Variants in SPIN1 observed in about 807,000 individuals in gnomAD.
SPIN1 encodes spindlin-1.
Under a neutral mutation model 26.0 loss-of-function variants are expected in SPIN1, and 3 were observed. That is an observed-to-expected ratio of 0.12 (90% CI 0.05 to 0.30). The LOEUF (loss-of-function observed/expected upper bound fraction) is 0.30. Among genes scored for constraint, SPIN1 ranks in the 10% least tolerant of loss-of-function variants. The pLI is 1.00. For synonymous variants in SPIN1, 101 were observed against 116.5 expected (o/e 0.87, Z 0.86); for missense variants, 126 against 333.4 (o/e 0.38, Z 4.84).
Position 88,405,286 on chromosome 9 carries a change from T to A in SPIN1, c.-159+16748T>A, listed in dbSNP as rs368099488. ...CTCTGTCTCCCAGGCTGGAGTGCAG[T>A]GGCAGGATCTCGGCTCACTGCAACC... On this transcript the variant is annotated intron_variant, in intron 1 of 5. Coordinates refer to ENST00000375859, the MANE Select transcript of SPIN1 (RefSeq NM_006717.3). Among the ~76,000 whole-genome samples, 24 of 152,210 alleles carry A rather than the reference T, an allele frequency of 1.6e-4. No homozygotes were observed. The East Asian group carries it at 4.3e-3, about 27-fold the overall frequency.
At chr9:88,425,029 G>A (rs185351891) in intron 1 of SPIN1, among the ~76,000 whole-genome samples, 1 of 152,316 alleles carries the variant, frequency 6.6e-6, no homozygotes, top group East Asian at 1.9e-4. Flanking sequence ...GAGAGATTGT[G>A]TCAGGGTGTG....
chr9:88,403,369 T>C (rs1827229129), intron 1 of SPIN1, among the ~76,000 whole-genome samples: 1 of 152,214 alleles, frequency 6.6e-6, no homozygotes, highest in Admixed American at 6.5e-5. Flanking sequence ...TACCTTTTGC[T>C]TTATACATTA....
At chr9:88,449,542 A>G (rs1367857708) in intron 3 of SPIN1, among the ~76,000 whole-genome samples, 1 of 152,132 alleles carries the variant, frequency 6.6e-6, no homozygotes, top group Non-Finnish European at 1.5e-5. Context: ...CTCAATCCTA[A>G]ATTCTGTAGA....
chr9:88,434,873 G>A (rs998958376), intron 2 of SPIN1, among the ~76,000 whole-genome samples: 19 of 152,032 alleles, frequency 1.2e-4, no homozygotes, highest in Admixed American at 2.0e-4. Flanking sequence ...CCAACATAGC[G>A]AAACCTCACA....
chr9:88,472,792 C>T (rs986720312), intron 5 of SPIN1, among the ~76,000 whole-genome samples: 15 of 152,226 alleles, frequency 9.9e-5, no homozygotes, highest in African/African-American at 3.4e-4. Flanking sequence ...TCCGGCTCCA[C>T]ATTTCTTTTA....
intron 1 of SPIN1, among the ~76,000 whole-genome samples, chr9:88,406,711 A>G (rs1051229041): frequency 3.9e-5 from 6 of 152,282 alleles, no homozygotes; most frequent in East Asian, 1.9e-4. Context: ...CTTTCTGCCT[A>G]TCAAACCTGT....
chr9:88,406,171 C>T (rs1250134978), intron 1 of SPIN1, among the ~76,000 whole-genome samples: 1 of 151,192 alleles, frequency 6.6e-6, no homozygotes, highest in African/African-American at 2.4e-5. Flanking sequence ...GTGCCTGGCT[C>T]TATTATAATA....
chr9:88,394,683 G>A (rs1474435688), intron 1 of SPIN1, among the ~76,000 whole-genome samples: 1 of 151,848 alleles, frequency 6.6e-6, no homozygotes, highest in Non-Finnish European at 1.5e-5. Context: ...ATGTACAGTT[G>A]ACATTCTAAT....
chr9:88,409,859 G>T (rs1169283824), intron 1 of SPIN1, among the ~76,000 whole-genome samples: 2 of 151,328 alleles, frequency 1.3e-5, no homozygotes, highest in African/African-American at 4.9e-5. Context: ...AAAAGAAATT[G>T]AGCTACATGT....
intron 2 of SPIN1, 95 bp from the exon 3 acceptor site, chr9:88,448,846 T>A (rs966045565): frequency 2.0e-5 from 22 of 1,121,516 alleles, no homozygotes; most frequent in Non-Finnish European, 2.6e-5. Context: ...TCTTTTCATA[T>A]TCTGTATAGC....
chr9:88,399,026 G>A (rs1827129282), intron 1 of SPIN1, among the ~76,000 whole-genome samples: 1 of 151,260 alleles, frequency 6.6e-6, no homozygotes, highest in Admixed American at 6.6e-5. Flanking sequence ...GGAGGAGCTG[G>A]CTTAAGCAGT....
Position 88,440,148 on chromosome 9 carries a change from GTTTTTAATTTTT to G in SPIN1, c.53-8780_53-8769del, listed in dbSNP as rs1391875069. ...CCTTAGCATATCAAGGATATTTTTT[GTTTTTAATTTTT>G]TTTTTAATTTTTAAAAATAGAGACA... On this transcript the variant is annotated intron_variant, in intron 2 of 5. Transcript: ENST00000375859. Among the ~76,000 whole-genome samples the G allele has an allele frequency of 5.7e-5, 8 of 140,440 alleles. No homozygotes were observed. In the South Asian group the frequency reaches 1.8e-3, roughly 32 times the overall value. 92.1% of individuals were successfully genotyped at this position (140,440 alleles called of 152,430 possible).
chr9:88,429,647 G>A (rs1047698315), intron 2 of SPIN1, among the ~76,000 whole-genome samples: 1 of 152,192 alleles, frequency 6.6e-6, no homozygotes, highest in Non-Finnish European at 1.5e-5. Context: ...TTCAGATAGT[G>A]TTGCGCTATC....
chr9:88,465,071 C>T (rs1287451515), intron 4 of SPIN1, among the ~76,000 whole-genome samples: 1 of 152,140 alleles, frequency 6.6e-6, no homozygotes, highest in Non-Finnish European at 1.5e-5. Context: ...CATGTTGTAA[C>T]GTGTGACAGG....
intron 1 of SPIN1, among the ~76,000 whole-genome samples, chr9:88,388,799 C>T (rs1826847529): frequency 6.6e-6 from 1 of 150,482 alleles, no homozygotes; most frequent in African/African-American, 2.4e-5. Flanking sequence ...CCATCCCCGC[C>T]GCCCCCCGCC....
In SPIN1 at chr9:88,475,400, C is replaced by A; in HGVS notation, c.*123C>A. ...GTCCCTGCGAACCCACAATCTCTGC[C>A]AGCAGAACTGGTTTTGTTCTGAATA... On this transcript the variant is annotated 3_prime_UTR_variant, in exon 6 of 6. Coordinates refer to ENST00000375859, the MANE Select transcript of SPIN1 (RefSeq NM_006717.3). The A allele has an allele frequency of 2.0e-6, 2 of 985,712 alleles. No individual in the cohort carries two copies. Among genetic ancestry groups the A allele is most frequent in the Non-Finnish European group, 3.0e-6 (2 of 667,900 alleles). 61.1% of individuals were successfully genotyped at this position (985,712 alleles called of 1,614,324 possible).
intron 1 of SPIN1, among the ~76,000 whole-genome samples, chr9:88,398,560 G>A (rs1368822415): frequency 6.6e-6 from 1 of 151,988 alleles, no homozygotes; most frequent in Non-Finnish European, 1.5e-5. Context: ...TGATTATTAA[G>A]TAACAATTTG....
intron 1 of SPIN1, among the ~76,000 whole-genome samples, chr9:88,414,985 CCT>C (rs1827529540): frequency 6.6e-6 from 1 of 152,066 alleles, no homozygotes; most frequent in Non-Finnish European, 1.5e-5. Flanking sequence ...CTCACTGCAA[CCT>C]CCACCTCCTG....
intron 2 of SPIN1, among the ~76,000 whole-genome samples, chr9:88,444,502 C>G (rs1382768046): frequency 6.6e-6 from 1 of 152,016 alleles, no homozygotes; most frequent in Non-Finnish European, 1.5e-5. Flanking sequence ...CTCAGCCTCC[C>G]AAAGTGCTGG....
Sources: allele counts gnomAD v4.1 joint callset (sites outside exome capture counted in the v4.1 genomes callset), GRCh38; gene constraint gnomAD v4.1.1; transcripts MANE v1.5; gene names NCBI Gene and HGNC (gene_info 2026-07-23, HGNC 2026-07-21).